Variants in HEATR4 observed in about 807,000 individuals in gnomAD.
The protein encoded by HEATR4 is HEAT repeat-containing protein 4.
Under a neutral mutation model 108.8 loss-of-function variants are expected in HEATR4, and 95 were observed. The ratio of observed to expected loss-of-function variants is 0.87; its 90% CI spans 0.74 to 1.04. The LOEUF is 1.04. Among genes scored for constraint, HEATR4 ranks in the 50% least tolerant of loss-of-function variants. The probability of loss-of-function intolerance (pLI) is 0.00; values close to 1 mark genes in which losing one functional copy is unlikely to be tolerated. For synonymous variants in HEATR4, 443 were observed against 459.4 expected (o/e 0.96, Z 0.46); for missense variants, 1,152 against 1,253.8 (o/e 0.92, Z 1.23).
chr14:73,592,973 G>GA, the HEATR4 span, among the ~76,000 whole-genome samples: 1 of 152,362 alleles, frequency 6.6e-6, no homozygotes, highest in South Asian at 2.1e-4. Context: ...TTCTGCAGAT[G>GA]AAAAAACAGG....
At chr14:73,615,414 AC>A in the HEATR4 span, among the ~76,000 whole-genome samples, 2,503 of 74,228 alleles carry the variant, frequency 0.034, 467 homozygotes, top group African/African-American at 0.068. Context: ...AAAACAAAAA[AC>A]AAAAAAAACC....
the HEATR4 span, among the ~76,000 whole-genome samples, chr14:73,573,764 G>A: frequency 2.0e-4 from 30 of 151,730 alleles, no homozygotes; most frequent in African/African-American, 7.3e-4. Context: ...GTCTCACTCT[G>A]TTGCCAGGCT....
intron 17 of HEATR4, chr14:73,491,763 C>G (rs1378528235): frequency 1.3e-6 from 2 of 1,565,430 alleles, no homozygotes; most frequent in Non-Finnish European, 1.7e-6. Flanking sequence ...GACCTGGATT[C>G]GATGCTGCGC....
the HEATR4 span, among the ~76,000 whole-genome samples, chr14:73,594,169 T>G: frequency 2.0e-5 from 3 of 152,250 alleles, no homozygotes; most frequent in African/African-American, 7.2e-5. Flanking sequence ...CTACTGTCTT[T>G]GCATGCTTGT....
the HEATR4 span, among the ~76,000 whole-genome samples, chr14:73,578,849 G>C: frequency 6.6e-6 from 1 of 151,888 alleles, no homozygotes; most frequent in African/African-American, 2.4e-5. Flanking sequence ...CACTTTGGGA[G>C]GTTATGGTGG....
At chr14:73,594,973 G>C in the HEATR4 span, 1 of 1,550,498 alleles carries the variant, frequency 6.4e-7, no homozygotes, top group Non-Finnish European at 8.8e-7. Context: ...GCAGAGTGTT[G>C]GGATTACAGG....
At chr14:73,491,562 A>T in intron 17 of HEATR4, 1 of 1,538,684 alleles carries the variant, frequency 6.5e-7, no homozygotes, top group African/African-American at 1.4e-5. Flanking sequence ...CCGGCCTGGG[A>T]CTCCCCGCTG....
At chr14:73,632,457 A>T in the HEATR4 span, among the ~76,000 whole-genome samples, 8 of 152,156 alleles carry the variant, frequency 5.3e-5, no homozygotes, top group Non-Finnish European at 1.0e-4. Flanking sequence ...TTTTGTATAT[A>T]TATACAAAAT....
At chr14:73,608,622 T>TGACA in the HEATR4 span, among the ~76,000 whole-genome samples, 2 of 152,226 alleles carry the variant, frequency 1.3e-5, no homozygotes, top group African/African-American at 4.8e-5. Flanking sequence ...TGTCTTCTTC[T>TGACA]GAGCCCTCTA....
At chr14:73,506,113 A>G (rs545202252) in intron 10 of HEATR4, among the ~76,000 whole-genome samples, 3 of 150,934 alleles carry the variant, frequency 2.0e-5, no homozygotes, top group Non-Finnish European at 4.4e-5. Flanking sequence ...CTGGTCTCCA[A>G]CTCCTGACCT....
rs1275714062 is a variant in HEATR4 at position 73,514,022 on chromosome 14, TTCAC to T, written c.1414+5_1414+8del. The T allele has an allele frequency of 9.9e-6, 16 of 1,613,658 alleles. No homozygotes were observed. Among genetic ancestry groups the T allele is most frequent in the Non-Finnish European group, 1.4e-5 (16 of 1,179,662 alleles). On this transcript the variant is annotated splice_donor_5th_base_variant and intron_variant, in intron 6 of 17. Transcript: ENST00000553558. ...AACGTACAGTATCACAGGACCTCCC[TTCAC>T]TCACTCAGAGCCCAGGCAGTCTTCC...
chr14:73,573,121 CTTTT>C, the HEATR4 span, among the ~76,000 whole-genome samples: 2 of 151,512 alleles, frequency 1.3e-5, no homozygotes, highest in Non-Finnish European at 2.9e-5. Context: ...AGCAGTCTTT[CTTTT>C]TGTTTCTTGG....
At chr14:73,630,931 C>T in the HEATR4 span, among the ~76,000 whole-genome samples, 2 of 152,058 alleles carry the variant, frequency 1.3e-5, no homozygotes, top group Admixed American at 6.6e-5. Context: ...ATATTTATGG[C>T]GAAAGGACCA....
At chr14:73,557,175 T>C (rs1277676439) in intron 1 of HEATR4, among the ~76,000 whole-genome samples, 2 of 113,364 alleles carry the variant, frequency 1.8e-5, no homozygotes, top group African/African-American at 5.7e-5. Flanking sequence ...TCTGCATTTC[T>C]AGGAACTTGG....
At chr14:73,616,091 T>C in the HEATR4 span, among the ~76,000 whole-genome samples, 1 of 151,978 alleles carries the variant, frequency 6.6e-6, no homozygotes, top group South Asian at 2.1e-4. Flanking sequence ...CTCTTCCTCC[T>C]GAGTAGCTAA....
At chr14:73,630,372 C>A in the HEATR4 span, among the ~76,000 whole-genome samples, 2 of 152,214 alleles carry the variant, frequency 1.3e-5, no homozygotes, top group African/African-American at 4.8e-5. Flanking sequence ...TTGCAGTCAA[C>A]TTCTCTTCTG....
intron 1 of HEATR4, among the ~76,000 whole-genome samples, chr14:73,544,110 T>C (rs1258930853): frequency 5.3e-5 from 6 of 114,058 alleles, no homozygotes; most frequent in African/African-American, 1.7e-4. Context: ...CTGGCCAACA[T>C]GGTGAAACCC....
At chr14:73,618,399 C>A in the HEATR4 span, among the ~76,000 whole-genome samples, 1 of 146,508 alleles carries the variant, frequency 6.8e-6, no homozygotes, top group East Asian at 1.9e-4. Flanking sequence ...TGTATATATA[C>A]CTAGGCCTTA....
At chr14:73,518,927 G>T (rs1476944277) in intron 5 of HEATR4, 96 bp downstream of exon 5, 4 of 1,249,740 alleles carry the variant, frequency 3.2e-6, no homozygotes, top group Non-Finnish European at 4.5e-6. Flanking sequence ...TTCAGCCCAT[G>T]AACTGGGAGC....
Sources: allele counts gnomAD v4.1 joint callset (sites outside exome capture counted in the v4.1 genomes callset), GRCh38; gene constraint gnomAD v4.1.1; transcripts MANE v1.5; gene names NCBI Gene and HGNC (gene_info 2026-07-23, HGNC 2026-07-21).